Variants in MBD5 observed in about 807,000 individuals in gnomAD.
MBD5 encodes methyl-CpG binding domain protein 5, also known as methyl-CpG-binding domain protein 5.
MBD5 carries 13 observed loss-of-function variants against 117.3 expected under a neutral mutation model. That is an observed-to-expected ratio of 0.11 (90% confidence interval 0.07 to 0.18). The LOEUF (loss-of-function observed/expected upper bound fraction) is 0.18. Ranked by LOEUF, MBD5 falls within the 10% of genes least tolerant of loss-of-function variation. The pLI, the probability that MBD5 is intolerant of heterozygous loss-of-function variation, is 1.00. For synonymous variants in MBD5, 727 were observed against 766.4 expected, an observed-to-expected ratio of 0.95 and a Z score of 0.85; for missense variants, 1,879 against 2,093.8, an observed-to-expected ratio of 0.90 and a Z score of 2.00.
chr2:148,370,230 C>G (rs1287134337), intron 4 of MBD5, among the ~76,000 whole-genome samples: 1 of 151,960 alleles, frequency 6.6e-6, no homozygotes, highest in East Asian at 1.9e-4. Flanking sequence ...TCAAAATATC[C>G]TCAATTTTAA....
intron 1 of MBD5, among the ~76,000 whole-genome samples, chr2:148,160,026 T>C (rs1697968311): frequency 6.6e-6 from 1 of 152,234 alleles, no homozygotes; most frequent in Admixed American, 6.5e-5. Flanking sequence ...TGATGCACAC[T>C]GGCTCTCAAC....
At chr2:148,042,200 CTA>C (rs1256609816) in intron 1 of MBD5, among the ~76,000 whole-genome samples, 1 of 152,152 alleles carries the variant, frequency 6.6e-6, no homozygotes, top group Non-Finnish European at 1.5e-5. Context: ...TTATAAGAAT[CTA>C]TGTGGATATA....
At chr2:148,294,189 GA>G (rs1701571995) in intron 3 of MBD5, among the ~76,000 whole-genome samples, 1 of 140,606 alleles carries the variant, frequency 7.1e-6, no homozygotes, top group South Asian at 2.2e-4. Context: ...AGTTTGGCCA[GA>G]ATGAAGTTTT....
At chr2:148,093,595 G>C (rs2105248425) in intron 1 of MBD5, among the ~76,000 whole-genome samples, 1 of 152,174 alleles carries the variant, frequency 6.6e-6, no homozygotes, top group Middle Eastern at 3.4e-3. Flanking sequence ...AATAATTGTA[G>C]CCCTGTGATC....
intron 1 of MBD5, among the ~76,000 whole-genome samples, chr2:148,138,257 T>C (rs1419145257): frequency 6.6e-6 from 1 of 152,180 alleles, no homozygotes; most frequent in Non-Finnish European, 1.5e-5. Flanking sequence ...CTCCTTAAGA[T>C]GATCATATGA....
intron 1 of MBD5, among the ~76,000 whole-genome samples, chr2:148,106,566 T>C (rs897369094): frequency 2.0e-5 from 3 of 152,062 alleles, no homozygotes; most frequent in African/African-American, 7.2e-5. Context: ...TTTGCTGTTA[T>C]ATTTGAATTT....
chr2:148,052,356 A>T (rs999087957), intron 1 of MBD5, among the ~76,000 whole-genome samples: 4 of 151,660 alleles, frequency 2.6e-5, no homozygotes, highest in Non-Finnish European at 5.9e-5. Context: ...GATTACAGGC[A>T]TGTGACACCA....
intron 3 of MBD5, among the ~76,000 whole-genome samples, chr2:148,277,716 T>C (rs1234866243): frequency 4.6e-5 from 7 of 152,160 alleles, no homozygotes. Flanking sequence ...TAGAGATTGG[T>C]CTATATTATC....
In MBD5 at chr2:148,490,270, C is replaced by G. The variant is rs771688875; in HGVS notation, c.4638C>G (p.Val1546=). The change falls in exon 11 of 14, where the codon GTC becomes GTG. Residue 1546 remains valine (V), a synonymous_variant. Coordinates refer to ENST00000642680, the MANE Select transcript of MBD5 (RefSeq NM_001378120.1). The stretch of plus-strand genomic sequence containing the variant: ...TAAGCACTGCAAAGCAAGACCTGGT[C>G]CTAGAGGAGCAGTCTCCAAGTTCCT... The part of the protein sequence containing the change: ...ELLSTAKQDL[V]LEEQSPSSSN... 12 of 1,614,182 alleles carry G rather than the reference C, an allele frequency of 7.4e-6. No homozygotes were observed. The South Asian group carries it at 1.3e-4, about 18-fold the overall frequency.
At chr2:148,450,445 G>A (rs534558554) in intron 4 of MBD5, among the ~76,000 whole-genome samples, 1 of 152,244 alleles carries the variant, frequency 6.6e-6, no homozygotes, top group East Asian at 1.9e-4. Context: ...TCTGTGAGTT[G>A]GCAGTTAAGT....
intron 3 of MBD5, among the ~76,000 whole-genome samples, chr2:148,282,551 A>G (rs547280084): frequency 6.6e-6 from 1 of 151,908 alleles, no homozygotes; most frequent in Admixed American, 6.6e-5. Context: ...AAATATGTAT[A>G]TATATAATGT....
At chr2:148,409,622 G>C (rs774441503) in intron 4 of MBD5, among the ~76,000 whole-genome samples, 2 of 151,994 alleles carry the variant, frequency 1.3e-5, no homozygotes, top group Admixed American at 6.6e-5. Flanking sequence ...ATAAGTAGAC[G>C]CTCACTACAT....
In MBD5 at chr2:148,198,231, A is replaced by G. The variant is rs954623388; in HGVS notation, c.-831+19438A>G. ...TTGTTTTGATTTGAATTTAATGTCT[A>G]TCAAGATTGCATCTTTTTTATTGCC... On this transcript the variant is annotated intron_variant, in intron 2 of 13. Transcript: ENST00000642680. Among the ~76,000 whole-genome samples the G allele has an allele frequency of 4.6e-5, 7 of 152,186 alleles. No individual in the cohort carries two copies. In the East Asian group the frequency reaches 1.3e-3, roughly 29 times the overall value.
chr2:148,241,405 G>T (rs1195572784), intron 3 of MBD5, among the ~76,000 whole-genome samples: 1 of 152,098 alleles, frequency 6.6e-6, no homozygotes, highest in Admixed American at 6.6e-5. Context: ...GCTTTTATTT[G>T]ATGGGGTTCA....
chr2:148,420,631 C>G (rs1705571387), intron 4 of MBD5, among the ~76,000 whole-genome samples: 1 of 152,128 alleles, frequency 6.6e-6, no homozygotes, highest in Admixed American at 6.6e-5. Context: ...TTTGTTTTCA[C>G]TTTTTCTATC....
At chr2:148,343,557 G>T (rs1703007139) in intron 4 of MBD5, among the ~76,000 whole-genome samples, 1 of 151,920 alleles carries the variant, frequency 6.6e-6, no homozygotes, top group South Asian at 2.1e-4. Context: ...ATGTTTGTTG[G>T]CCTCTTGTAT....
intron 4 of MBD5, among the ~76,000 whole-genome samples, chr2:148,429,635 G>C (rs1042635479): frequency 6.6e-6 from 1 of 152,102 alleles, no homozygotes; most frequent in Non-Finnish European, 1.5e-5. Flanking sequence ...GGAAAATTTG[G>C]CACATATACA....
At chr2:148,332,267 A>G (rs1559027452) in intron 3 of MBD5, among the ~76,000 whole-genome samples, 1 of 152,190 alleles carries the variant, frequency 6.6e-6, no homozygotes, top group Non-Finnish European at 1.5e-5. Flanking sequence ...TCAATTGTGC[A>G]TGTTATTATA....
chr2:148,124,925 A>G (rs1281304233), intron 1 of MBD5, among the ~76,000 whole-genome samples: 3 of 151,084 alleles, frequency 2.0e-5, no homozygotes, highest in African/African-American at 7.3e-5. Context: ...AAGAAAATAT[A>G]GTAAATAAGT....
Sources: gnomAD v4.1 joint callset for allele counts (sites outside exome capture counted in the v4.1 genomes callset) on GRCh38, gnomAD v4.1.1 for gene constraint, MANE v1.5 for transcripts, NCBI Gene and HGNC (gene_info 2026-07-23, HGNC 2026-07-21) for gene names.